Variants in ERC1 observed in about 807,000 individuals in gnomAD.
ERC1 encodes RAB6 interacting protein 2.
Under a neutral mutation model 132.0 loss-of-function variants are expected in ERC1, and 56 were observed. The ratio of observed to expected loss-of-function variants is 0.42; its 90% CI spans 0.34 to 0.53. The LOEUF is 0.53. Among genes scored for constraint, ERC1 ranks in the 20% least tolerant of loss-of-function variants. The pLI is 0.03. For missense variants in ERC1, 1,202 were observed against 1,349.9 expected (o/e 0.89, Z 1.72); for synonymous variants, 478 against 476.1 (o/e 1.00, Z -0.05).
chr12:1,013,969 G>A (rs1378680548), intron 1 of ERC1, among the ~76,000 whole-genome samples: 2 of 151,658 alleles, frequency 1.3e-5, no homozygotes, highest in East Asian at 3.9e-4. Flanking sequence ...TGATCCTTTC[G>A]CCTTGGCTTC....
At chr12:1,253,188 T>C (rs183236939) in intron 13 of ERC1, among the ~76,000 whole-genome samples, 1 of 152,300 alleles carries the variant, frequency 6.6e-6, no homozygotes, top group East Asian at 1.9e-4. Flanking sequence ...GAAATCTGAA[T>C]TGGCCTTCTT....
intron 17 of ERC1, among the ~76,000 whole-genome samples, chr12:1,411,966 A>G (rs190303665): frequency 2.1e-3 from 315 of 152,336 alleles, no homozygotes; most frequent in African/African-American, 7.2e-3. Context: ...CCAAAATAGG[A>G]TAACTTAGCT....
chr12:993,510 T>C (rs139828222), intron 1 of ERC1, among the ~76,000 whole-genome samples: 4 of 152,392 alleles, frequency 2.6e-5, no homozygotes, highest in South Asian at 4.1e-4. Flanking sequence ...ACTTGTGATA[T>C]CCTTGTTGAG....
At chr12:1,464,204 T>G (rs923781140) in intron 18 of ERC1, among the ~76,000 whole-genome samples, 6 of 151,476 alleles carry the variant, frequency 4.0e-5, no homozygotes, top group African/African-American at 1.4e-4. Context: ...AAATGTAGAA[T>G]AATCTTGTTT....
At chr12:1,180,833 T>TTTTTTTTTTTTTTTTTTTTTTTTG (rs1954372999) in intron 9 of ERC1, among the ~76,000 whole-genome samples, 156 bp downstream of exon 9, 3 of 150,796 alleles carry the variant, frequency 2.0e-5, no homozygotes, top group African/African-American at 7.5e-5. Flanking sequence ...ACATTTTTTT[T>TTTTTTTTTTTTTTTTTTTTTTTTG]AGATGGAGTC....
chr12:1,092,001 CTTTT>C (rs34377863), intron 3 of ERC1, among the ~76,000 whole-genome samples: 3 of 138,052 alleles, frequency 2.2e-5, no homozygotes, highest in Non-Finnish European at 3.2e-5. Flanking sequence ...TTAATCAATT[CTTTT>C]TTTTTTTTTT....
At chr12:1,237,543 G>T (rs2075501470) in intron 13 of ERC1, among the ~76,000 whole-genome samples, 1 of 152,158 alleles carries the variant, frequency 6.6e-6, no homozygotes, top group Admixed American at 6.5e-5. Flanking sequence ...TTGAAACTAG[G>T]CTCTGGTCAT....
chr12:1,185,742 T>TG (rs1480845688), intron 11 of ERC1, among the ~76,000 whole-genome samples: 2 of 152,048 alleles, frequency 1.3e-5, no homozygotes. Flanking sequence ...TTTTTTTTTT[T>TG]TTTTAATTTA....
chr12:1,258,488 C>T (rs1307189832), intron 13 of ERC1, among the ~76,000 whole-genome samples: 2 of 152,204 alleles, frequency 1.3e-5, no homozygotes, highest in African/African-American at 2.4e-5. Flanking sequence ...CTTACTTCAT[C>T]GATGTGGTCC....
At position 1,116,568 on chromosome 12, in the gene ERC1, AT is replaced by A. The variant is rs201063580; in HGVS notation, c.1569+551del. 3.3e-3 allele frequency among the ~76,000 whole-genome samples: 481 copies of A among 143,744 alleles called. 1 individual carries two copies. The highest frequency in any genetic ancestry group is 5.6e-3 in the African/African-American group (218 of 39,012). The allele number at this position is 143,744 out of a possible 152,430, so 94.3% of individuals were successfully genotyped here. A position where few individuals can be genotyped will look rare whatever the true frequency, so the allele number is the denominator to read the frequency against. On this transcript the variant is annotated intron_variant, in intron 7 of 18. Coordinates refer to ENST00000360905, the MANE Select transcript of ERC1 (RefSeq NM_178040.4). Reference sequence around the variant, plus strand: ...TGAAAATAAAGTTAGTGTTTTTAGAATTTTTTTTTTTTTTTTGAGATGGCCT... The same window carrying A: ...TGAAAATAAAGTTAGTGTTTTTAGAATTTTTTTTTTTTTTTGAGATGGCCT...
intron 16 of ERC1, chr12:1,391,065 T>G (rs1281530610): frequency 6.6e-6 from 1 of 152,258 alleles, no homozygotes; most frequent in Non-Finnish European, 1.5e-5. Flanking sequence ...GCTGTGCCTT[T>G]AATCATAATT....
chr12:1,133,596 C>T (rs374030018), intron 7 of ERC1, among the ~76,000 whole-genome samples: 1 of 152,192 alleles, frequency 6.6e-6, no homozygotes, highest in Non-Finnish European at 1.5e-5. Context: ...TTTCTTTTAA[C>T]TGAATCAATA....
At chr12:1,159,446 A>C (rs1280869566) in intron 8 of ERC1, among the ~76,000 whole-genome samples, 1 of 152,186 alleles carries the variant, frequency 6.6e-6, no homozygotes, top group Non-Finnish European at 1.5e-5. Context: ...CTCACCGCTT[A>C]CTTCCTGCTG....
intron 15 of ERC1, among the ~76,000 whole-genome samples, chr12:1,333,330 ATTTT>A (rs36055111): frequency 0.039 from 4,263 of 110,624 alleles, 75 homozygotes; most frequent in African/African-American, 0.052. Flanking sequence ...TATGTACCGC[ATTTT>A]TTTTTTTTTT....
At chr12:1,204,494 C>T (rs770631425) in intron 12 of ERC1, 18 of 1,587,492 alleles carry the variant, frequency 1.1e-5, no homozygotes, top group Non-Finnish European at 1.5e-5. Flanking sequence ...TTTCCTGTTT[C>T]CTTCAGTCTC....
chr12:1,370,873 G>A (rs774199740), intron 15 of ERC1, among the ~76,000 whole-genome samples: 1 of 152,074 alleles, frequency 6.6e-6, no homozygotes, highest in Non-Finnish European at 1.5e-5. Context: ...GACCAGAAGC[G>A]TGTGCCACCG....
intron 18 of ERC1, among the ~76,000 whole-genome samples, chr12:1,463,697 C>CTGTGTGTG (rs57210462): frequency 0.02 from 2,749 of 136,094 alleles, 92 homozygotes; most frequent in African/African-American, 0.069. Flanking sequence ...GGTGCTAAGA[C>CTGTGTGTG]TGTGTGTGTG....
chr12:1,051,297 T>G (rs1971919724), intron 2 of ERC1, among the ~76,000 whole-genome samples: 1 of 152,116 alleles, frequency 6.6e-6, no homozygotes, highest in Non-Finnish European at 1.5e-5. Flanking sequence ...ATGTATATTC[T>G]GGGTTGAGGA....
At position 1,104,694 on chromosome 12, in the gene ERC1, A is replaced by G. The variant is rs1945054237; in HGVS notation, c.1087-56A>G. The stretch of plus-strand genomic sequence containing the variant: ...ATACATCGGCTCTCACTCCTCTTTG[A>G]AAAAAATGAGGGTGAACAGGAGAGC... On this transcript the variant is annotated intron_variant, in intron 3 of 18. Transcript: ENST00000360905. 17 of 1,279,692 alleles carry G rather than the reference A, an allele frequency of 1.3e-5. No homozygotes were observed. In the South Asian group the frequency reaches 1.7e-4, roughly 13 times the overall value. 79.3% of individuals were successfully genotyped at this position (1,279,692 alleles called of 1,614,324 possible). A position where few individuals can be genotyped will look rare whatever the true frequency, so the allele number is the denominator to read the frequency against.
Sources: allele counts gnomAD v4.1 joint callset (sites outside exome capture counted in the v4.1 genomes callset), GRCh38; gene constraint gnomAD v4.1.1; transcripts MANE v1.5; gene names NCBI Gene and HGNC (gene_info 2026-07-23, HGNC 2026-07-21).